SSBP3: variants seen among roughly 807,000 people sequenced by gnomAD.
The protein encoded by SSBP3 is single-stranded DNA-binding protein 3.
A neutral mutation model predicts 69.6 loss-of-function variants in SSBP3; 5 were observed. The ratio of observed to expected loss-of-function variants is 0.07; its 90% CI spans 0.04 to 0.15. SSBP3 has a LOEUF of 0.15. Among genes scored for constraint, SSBP3 ranks in the 10% least tolerant of loss-of-function variants. The pLI, the probability that SSBP3 is intolerant of heterozygous loss-of-function variation, is 1.00. For missense variants in SSBP3, 312 were observed against 534.0 expected (o/e 0.58, Z 4.10); for synonymous variants, 196 against 193.4 (o/e 1.01, Z -0.11).
At position 54,386,683 on chromosome 1, in the gene SSBP3, C is replaced by CTTTTTTTTTTTTTTTTTTTTTTTTTTT; in HGVS notation, c.276+15177_276+15178insAAAAAAAAAAAAAAAAAAAAAAAAAAA. Among the ~76,000 whole-genome samples, 158 of 76,072 alleles carry CTTTTTTTTTTTTTTTTTTTTTTTTTTT rather than the reference C, an allele frequency of 2.1e-3. 21 individuals are homozygous for CTTTTTTTTTTTTTTTTTTTTTTTTTTT. Among genetic ancestry groups the CTTTTTTTTTTTTTTTTTTTTTTTTTTT allele is most frequent in the Non-Finnish European group, 2.5e-3 (108 of 42,380 alleles). 49.9% of individuals were successfully genotyped at this position (76,072 alleles called of 152,430 possible). On this transcript the variant is annotated intron_variant, in intron 4 of 17. Coordinates refer to ENST00000610401, the Ensembl canonical transcript of SSBP3. ...ATCCACAATGTATAAACTGATCCTA[C>CTTTTTTTTTTTTTTTTTTTTTTTTTTT]TTTTTTTTTTTTTTTTTTTTTAAGA...
At chr1:54,229,024 G>A (rs1229751144) in intron 14 of SSBP3, among the ~76,000 whole-genome samples, 198 bp from the exon 15 acceptor site, 2 of 152,232 alleles carry the variant, frequency 1.3e-5, no homozygotes, top group Non-Finnish European at 2.9e-5. Flanking sequence ...CAGGGCAGAG[G>A]TGCTCATTCC....
chr1:54,290,030 C>T (rs765731436), intron 4 of SSBP3, among the ~76,000 whole-genome samples: 8 of 152,202 alleles, frequency 5.3e-5, no homozygotes, highest in Admixed American at 5.2e-4. Flanking sequence ...GGAGTAAAGG[C>T]ACTTGTCCAA....
chr1:54,355,863 G>A (rs540749622), intron 4 of SSBP3, among the ~76,000 whole-genome samples: 35 of 152,260 alleles, frequency 2.3e-4, no homozygotes, highest in Admixed American at 1.6e-3. Context: ...ACGATCCCAC[G>A]TGAGGGCTCC....
At chr1:54,322,148 C>T (rs1397247992) in intron 4 of SSBP3, among the ~76,000 whole-genome samples, 1 of 152,196 alleles carries the variant, frequency 6.6e-6, no homozygotes, top group Non-Finnish European at 1.5e-5. Context: ...TGGCTTCTCA[C>T]AAGTCTCCAC....
intron 4 of SSBP3, among the ~76,000 whole-genome samples, chr1:54,315,335 C>T (rs560203325): frequency 2.6e-5 from 4 of 152,272 alleles, no homozygotes; most frequent in African/African-American, 7.2e-5. Context: ...TCCCTCCTCT[C>T]TTACATAGCT....
intron 4 of SSBP3, among the ~76,000 whole-genome samples, chr1:54,297,404 C>T (rs1188989268): frequency 2.6e-5 from 4 of 152,256 alleles, no homozygotes; most frequent in East Asian, 1.9e-4. Flanking sequence ...CCAAGGCGGG[C>T]GGATCACTTG....
chr1:54,303,159 T>C (rs537848533), intron 4 of SSBP3, among the ~76,000 whole-genome samples: 5 of 152,246 alleles, frequency 3.3e-5, no homozygotes, highest in South Asian at 4.2e-4. Context: ...ACGGGAGCCA[T>C]GGGGTGCTGG....
At chr1:54,290,814 T>TC (rs1216520541) in intron 4 of SSBP3, among the ~76,000 whole-genome samples, 1 of 152,082 alleles carries the variant, frequency 6.6e-6, no homozygotes. Context: ...GGCTAGAGGA[T>TC]CCCCCCTAGA....
intron 4 of SSBP3, among the ~76,000 whole-genome samples, chr1:54,387,214 T>G (rs1320482405): frequency 1.3e-5 from 2 of 152,196 alleles, no homozygotes; most frequent in Non-Finnish European, 2.9e-5. Context: ...CTATTGCTTA[T>G]AGTTTCCAGG....
intron 4 of SSBP3, among the ~76,000 whole-genome samples, chr1:54,301,959 A>G (rs981714525): frequency 4.0e-5 from 6 of 151,858 alleles, no homozygotes; most frequent in African/African-American, 1.4e-4. Flanking sequence ...CCCCAGCCCT[A>G]TGGCACCAAT....
rs1380643464 is a variant in SSBP3 at position 54,233,685 on chromosome 1, C to T, written c.928-4859G>A. 3.4e-5 allele frequency among the ~76,000 whole-genome samples: 5 copies of T among 147,452 alleles called. No individual in the cohort carries two copies. The East Asian group carries it at 1.0e-3, about 30-fold the overall frequency. On this transcript the variant is annotated intron_variant, in intron 14 of 17. Coordinates refer to ENST00000610401, the Ensembl canonical transcript of SSBP3. ...CTGGGAAGTGAGGAGCCCCTCTGCC[C>T]GGCCAGCCGCCCCGTCTGGGAGGGA... is the stretch of plus-strand genomic sequence containing the variant.
At chr1:54,359,306 C>A (rs1370142167) in intron 4 of SSBP3, among the ~76,000 whole-genome samples, 3 of 146,860 alleles carry the variant, frequency 2.0e-5, no homozygotes, top group African/African-American at 7.5e-5. Flanking sequence ...CTGTCTAAAA[C>A]AGAAATGGGC....
intron 4 of SSBP3, among the ~76,000 whole-genome samples, chr1:54,399,439 G>T (rs777045831): frequency 6.6e-6 from 1 of 152,170 alleles, no homozygotes; most frequent in African/African-American, 2.4e-5. Flanking sequence ...TTCTCTCATC[G>T]GGTCTCTGGC....
intron 4 of SSBP3, among the ~76,000 whole-genome samples, chr1:54,364,591 G>A (rs1169528475): frequency 6.6e-6 from 1 of 152,184 alleles, no homozygotes; most frequent in Non-Finnish European, 1.5e-5. Context: ...ATTAATGCTT[G>A]GCTCAAGCTT....
chr1:54,244,347 C>T (rs1362637304), intron 9 of SSBP3, among the ~76,000 whole-genome samples: 1 of 152,052 alleles, frequency 6.6e-6, no homozygotes, highest in African/African-American at 2.4e-5. Flanking sequence ...CAGGATCCAC[C>T]CACCTTGGCC....
At chr1:54,277,107 C>T (rs577652763) in intron 5 of SSBP3, among the ~76,000 whole-genome samples, 1 of 152,226 alleles carries the variant, frequency 6.6e-6, no homozygotes, top group Admixed American at 6.5e-5. Flanking sequence ...TAACCACAGT[C>T]CTTTCTCCTT....
intron 4 of SSBP3, among the ~76,000 whole-genome samples, chr1:54,391,765 T>C (rs562913113): frequency 6.6e-6 from 1 of 152,316 alleles, no homozygotes; most frequent in South Asian, 2.1e-4. Context: ...GGACAGGGAA[T>C]TTGGGAGGCT....
chr1:54,258,145 G>A lies in SSBP3; in HGVS notation c.371C>T (p.Pro124Leu). The A allele has an allele frequency of 3.8e-6, 6 of 1,590,946 alleles. No individual in the cohort carries two copies. Among genetic ancestry groups the A allele is most frequent in the Non-Finnish European group, 5.1e-6 (6 of 1,169,672 alleles). ...GTGCGGCGAGGGCTGTGACCCCGGAGGACCCTGTGAGGCCAGACAGTAGAG... is the reference window on the plus strand; with the variant it reads ...GTGCGGCGAGGGCTGTGACCCCGGAAGACCCTGTGAGGCCAGACAGTAGAG... The change falls in exon 6 of 18, where the codon CCT becomes CTT. Residue 124 changes from proline (P) to leucine (L), a missense_variant. Coordinates refer to ENST00000610401, the Ensembl canonical transcript of SSBP3. The surrounding 1 kb of genome is among the most constrained non-coding windows in gnomAD (Gnocchi z 4.5).
At chr1:54,274,225 A>G (rs1570323703) in intron 5 of SSBP3, among the ~76,000 whole-genome samples, 1 of 152,030 alleles carries the variant, frequency 6.6e-6, no homozygotes, top group African/African-American at 2.4e-5. Context: ...TGCGGATCCC[A>G]CCGCCCCACC....
Sources: allele counts gnomAD v4.1 joint callset (sites outside exome capture counted in the v4.1 genomes callset), GRCh38; gene constraint gnomAD v4.1.1; non-coding constraint Gnocchi (gnomAD v3.1); transcripts MANE v1.5; gene names NCBI Gene and HGNC (gene_info 2026-07-23, HGNC 2026-07-21).